CBFB: variants seen among roughly 807,000 people sequenced by gnomAD.
CBFB encodes the protein CBF-beta.
A neutral mutation model predicts 30.4 loss-of-function variants in CBFB; 9 were observed. That is an observed-to-expected ratio of 0.30 (90% confidence interval 0.18 to 0.52). The LOEUF is 0.52. Among genes scored for constraint, CBFB ranks in the 20% least tolerant of loss-of-function variants. CBFB has a pLI of 0.97. For synonymous variants in CBFB, 94 were observed against 84.0 expected (o/e 1.12, Z -0.65); for missense variants, 170 against 244.0 (o/e 0.70, Z 2.02).
intron 4 of CBFB, among the ~76,000 whole-genome samples, chr16:67,076,688 G>A (rs539055571): frequency 6.6e-6 from 1 of 152,058 alleles, no homozygotes; most frequent in African/African-American, 2.4e-5. Flanking sequence ...GCCACACTTG[G>A]TTTTTTAATA....
chr16:67,069,425 C>T (rs977714555), intron 4 of CBFB, among the ~76,000 whole-genome samples: 2 of 151,512 alleles, frequency 1.3e-5, no homozygotes, highest in African/African-American at 4.8e-5. Context: ...AAAAAGTTCA[C>T]AGACTAAATG....
intron 5 of CBFB, among the ~76,000 whole-genome samples, chr16:67,082,675 G>A (rs974219228): frequency 6.6e-6 from 1 of 151,704 alleles, no homozygotes; most frequent in African/African-American, 2.4e-5. Flanking sequence ...ATTAAAACTC[G>A]AGTAATACTA....
intron 3 of CBFB, 124 bp from the exon 4 acceptor site, chr16:67,066,558 T>G: frequency 1.9e-6 from 1 of 519,468 alleles, no homozygotes; most frequent in African/African-American, 2.3e-5. Context: ...AAACTCCATC[T>G]CAATCAATCA....
intron 3 of CBFB, among the ~76,000 whole-genome samples, chr16:67,046,298 A>G (rs753465672): frequency 6.6e-6 from 1 of 151,828 alleles, no homozygotes; most frequent in African/African-American, 2.4e-5. Context: ...TGGGGGTCTC[A>G]CCATGTTGCC....
chr16:67,098,466 C>A (rs2145790673), intron 5 of CBFB, among the ~76,000 whole-genome samples: 1 of 152,140 alleles, frequency 6.6e-6, no homozygotes, highest in South Asian at 2.1e-4. Context: ...TTATGTAGTA[C>A]ATATTTATGG....
chr16:67,036,689 C>T lies in CBFB; in HGVS notation c.216C>T (p.Ser72=), dbSNP rs2145713426. 6.2e-7 allele frequency: 1 copy of T among 1,613,832 alleles called. No homozygotes were observed. Among genetic ancestry groups the T allele is most frequent in the Non-Finnish European group, 8.5e-7 (1 of 1,179,814 alleles). The change falls in exon 3 of 6, where the codon AGC becomes AGT. Residue 72 remains serine, a synonymous_variant. Transcript: ENST00000412916. ...TGTCTCTCCAGTTTTTTCCGGCCAG[C>T]TGGCAGGGAGAACAGCGACAAACAC... ...TNLSLQFFPA[S]WQGEQRQTPS...
At chr16:67,082,479 A>C in intron 5 of CBFB, 171 bp downstream of exon 5, 1 of 619,036 alleles carries the variant, frequency 1.6e-6, no homozygotes, top group Non-Finnish European at 2.5e-6. Context: ...GCTATAAAGA[A>C]ATTTATTTTA....
At chr16:67,083,255 A>G (rs1961622527) in intron 5 of CBFB, among the ~76,000 whole-genome samples, 1 of 151,818 alleles carries the variant, frequency 6.6e-6, no homozygotes, top group African/African-American at 2.4e-5. Flanking sequence ...ACATCTAATC[A>G]TGACTTTCTC....
chr16:67,032,042 AT>A (rs1966360181), intron 2 of CBFB, among the ~76,000 whole-genome samples: 2 of 152,084 alleles, frequency 1.3e-5, no homozygotes, highest in South Asian at 4.1e-4. Flanking sequence ...TTTTTTGGAA[AT>A]TTGGTGAATC....
At chr16:67,049,616 G>A (rs936938268) in intron 3 of CBFB, among the ~76,000 whole-genome samples, 7 of 152,026 alleles carry the variant, frequency 4.6e-5, no homozygotes, top group Non-Finnish European at 4.4e-5. Flanking sequence ...CACCTCACTG[G>A]GACTGTAGGC....
Position 67,066,796 on chromosome 16 carries a change from C to G in CBFB, c.397C>G (p.Gln133Glu). Reference sequence around the variant, plus strand: ...TCTGGAGTTTGATGAGGAGCGAGCCCAGGTAGGGTAACATCAGGCTTTATT... The same window carrying G: ...TCTGGAGTTTGATGAGGAGCGAGCCGAGGTAGGGTAACATCAGGCTTTATT... The part of the protein sequence containing the change: ...GCLEFDEERA[Q>E]QEDALAQQAF... The change falls in exon 4 of 6, where the codon CAG becomes GAG. Residue 133 changes from glutamine to glutamate, a missense_variant and splice_region_variant. Transcript: ENST00000412916. 3.2e-6 allele frequency: 5 copies of G among 1,567,212 alleles called. No individual in the cohort carries two copies. Among genetic ancestry groups the G allele is most frequent in the Non-Finnish European group, 4.4e-6 (5 of 1,139,858 alleles).
intron 4 of CBFB, among the ~76,000 whole-genome samples, chr16:67,076,588 T>C (rs1961402979): frequency 6.6e-6 from 1 of 152,164 alleles, no homozygotes; most frequent in Admixed American, 6.5e-5. Flanking sequence ...TTATGGATAG[T>C]GGTCACCTCT....
intron 5 of CBFB, among the ~76,000 whole-genome samples, chr16:67,094,938 C>T (rs1025661679): frequency 3.3e-5 from 5 of 151,934 alleles, no homozygotes; most frequent in African/African-American, 7.3e-5. Flanking sequence ...AGAAAGAGGC[C>T]GGATTTGGTG....
Position 67,067,208 on chromosome 16 carries a change from T to A in CBFB, c.399+410T>A, listed in dbSNP as rs572229026. 2.7e-5 allele frequency among the ~76,000 whole-genome samples: 4 copies of A among 149,366 alleles called. No individual in the cohort carries two copies. The South Asian group carries it at 8.4e-4, about 31-fold the overall frequency. On this transcript the variant is annotated intron_variant, in intron 4 of 5. Transcript: ENST00000412916. ...AGCAATGATAAAACTTGACAAAAATTGTTTAAAAAAAAAAAAAAAAAGCTG... is the reference window on the plus strand; with the variant it reads ...AGCAATGATAAAACTTGACAAAAATAGTTTAAAAAAAAAAAAAAAAAGCTG...
At chr16:67,060,291 C>T (rs934925756) in intron 3 of CBFB, among the ~76,000 whole-genome samples, 2 of 152,140 alleles carry the variant, frequency 1.3e-5, no homozygotes, top group African/African-American at 4.8e-5. Flanking sequence ...AATGACAGCT[C>T]ATTGAGATAC....
intron 3 of CBFB, among the ~76,000 whole-genome samples, chr16:67,038,656 GTTT>G (rs912821609): frequency 1.3e-5 from 2 of 151,674 alleles, no homozygotes; most frequent in Non-Finnish European, 2.9e-5. Context: ...ACGATTATTG[GTTT>G]TTTTGTGCTT....
At chr16:67,075,218 T>TGTGA (rs1375843237) in intron 4 of CBFB, among the ~76,000 whole-genome samples, 1 of 135,270 alleles carries the variant, frequency 7.4e-6, no homozygotes. Context: ...TGTGTGTGTG[T>TGTGA]GTGTGTGTGT....
intron 3 of CBFB, among the ~76,000 whole-genome samples, chr16:67,039,904 C>G (rs944057642): frequency 6.6e-6 from 1 of 152,140 alleles, no homozygotes; most frequent in African/African-American, 2.4e-5. Flanking sequence ...ATCTTTCCCT[C>G]AGATGTAAAT....
At chr16:67,083,770 A>T (rs1159729712) in intron 5 of CBFB, among the ~76,000 whole-genome samples, 1 of 152,136 alleles carries the variant, frequency 6.6e-6, no homozygotes, top group Non-Finnish European at 1.5e-5. Flanking sequence ...ATGGAATTTT[A>T]ATTTTTTTAC....
Sources: gnomAD v4.1 joint callset for allele counts (sites outside exome capture counted in the v4.1 genomes callset) on GRCh38, gnomAD v4.1.1 for gene constraint, MANE v1.5 for transcripts, NCBI Gene and HGNC (gene_info 2026-07-23, HGNC 2026-07-21) for gene names.